CACNG1: variants seen among roughly 807,000 people sequenced by gnomAD.
CACNG1 encodes the protein calcium voltage-gated channel auxiliary subunit gamma 1.
A neutral mutation model predicts 22.0 loss-of-function variants in CACNG1; 21 were observed. The observed-to-expected ratio is 0.95, with a 90% CI of 0.68 to 1.37. CACNG1 has a LOEUF of 1.37. CACNG1 is among the 40% of genes most tolerant of loss of function. The probability of loss-of-function intolerance (pLI) is 0.00; values close to 1 mark genes in which losing one functional copy is unlikely to be tolerated. For missense variants in CACNG1, 291 were observed against 308.6 expected, an observed-to-expected ratio of 0.94 and a Z score of 0.43; for synonymous variants, 127 against 129.2, an observed-to-expected ratio of 0.98 and a Z score of 0.12.
intron 1 of CACNG1, among the ~76,000 whole-genome samples, chr17:67,049,715 C>T (rs975421701): frequency 7.2e-5 from 11 of 152,178 alleles, no homozygotes; most frequent in African/African-American, 2.7e-4. Context: ...TTCCTTCTCA[C>T]ACCCTCTATT....
rs984963286 is a variant in CACNG1, at chr17:67,055,731, G to A, written c.443-314G>A. Among the ~76,000 whole-genome samples, 7 of 151,988 alleles carry A rather than the reference G, an allele frequency of 4.6e-5. No homozygotes were observed. The highest frequency in any genetic ancestry group is 8.8e-5 in the Non-Finnish European group (6 of 67,980). ...TTTTAATTTTTTGTAGAGACGGAGG[G>A]CTCATCACTATGTTGCCAGGCTGGT... On this transcript the variant is annotated intron_variant, in intron 3 of 3. Transcript: ENST00000226021. The surrounding 1 kb of genome is among the most constrained non-coding windows in gnomAD (Gnocchi z 4.5).
chr17:67,053,124 G>A (rs2035737584), intron 1 of CACNG1, among the ~76,000 whole-genome samples: 1 of 152,122 alleles, frequency 6.6e-6, no homozygotes, highest in Admixed American at 6.5e-5. Context: ...CAATTATCAG[G>A]TGGGCCAAGC....
In CACNG1 at chr17:67,055,320, C is replaced by T. The variant is rs1013389049; in HGVS notation, c.442+80C>T. ...TTCTCCGCTCCACCCTCATGCCCACCGCGAGATTTGGGTGAGGGGCATTTC... is the reference window on the plus strand; with the variant it reads ...TTCTCCGCTCCACCCTCATGCCCACTGCGAGATTTGGGTGAGGGGCATTTC... On this transcript the variant is annotated intron_variant, in intron 3 of 3. Transcript: ENST00000226021. This position sits in a 1 kb window ranked among gnomAD's most constrained non-coding sequence, Gnocchi z 4.5. 9.4e-6 allele frequency: 14 copies of T among 1,491,210 alleles called. No homozygotes were observed. Among genetic ancestry groups the T allele is most frequent in the Admixed American group, 3.7e-5 (2 of 53,334 alleles). 92.4% of individuals were successfully genotyped at this position (1,491,210 alleles called of 1,614,324 possible).
At chr17:67,045,496 C>A (rs2035691241) in intron 1 of CACNG1, among the ~76,000 whole-genome samples, 1 of 149,288 alleles carries the variant, frequency 6.7e-6, no homozygotes, top group Admixed American at 6.6e-5. Flanking sequence ...TGGCTGTAGG[C>A]TGTAGGTGAG....
In CACNG1 at chr17:67,054,085, A is replaced by G. The variant is rs368641628; in HGVS notation, c.304+15A>G. On this transcript the variant is annotated intron_variant, in intron 2 of 3. Coordinates refer to ENST00000226021, the MANE Select transcript of CACNG1 (RefSeq NM_000727.4). The surrounding 1 kb of genome is among the most constrained non-coding windows in gnomAD (Gnocchi z 4.6). ...CACTCAGAAGGGTGAGCCTGGGTGG[A>G]AAGGGGTCTGGGGTGACAAGAGGGG... is the stretch of plus-strand genomic sequence containing the variant. 2.5e-6 allele frequency: 4 copies of G among 1,611,316 alleles called. No individual in the cohort carries two copies. The highest frequency in any genetic ancestry group is 3.4e-6 in the Non-Finnish European group (4 of 1,177,412).
chr17:67,045,167 C>A (rs2035688829), intron 1 of CACNG1, among the ~76,000 whole-genome samples: 1 of 152,222 alleles, frequency 6.6e-6, no homozygotes, highest in Non-Finnish European at 1.5e-5. Context: ...AAGAAAGGAA[C>A]TGCAGCTCTA....
intron 1 of CACNG1, among the ~76,000 whole-genome samples, chr17:67,045,325 G>A (rs1446033713): frequency 1.3e-5 from 2 of 152,174 alleles, no homozygotes; most frequent in East Asian, 1.9e-4. Flanking sequence ...CATAGGCGAT[G>A]GAATTTGCAG....
Position 67,054,465 on chromosome 17 carries a change from CCT to C in CACNG1, c.304+396_304+397del, listed in dbSNP as rs1354858153. Among the ~76,000 whole-genome samples, 1 of 152,218 alleles carries C rather than the reference CCT, an allele frequency of 6.6e-6. No homozygotes were observed. Among genetic ancestry groups the C allele is most frequent in the East Asian group, 1.9e-4 (1 of 5,204 alleles). ...TCCCTCCCTGGCCTAGAAATCCCTC[CCT>C]GAGTACCAGGAGGGTGCGGTGGGCT... On this transcript the variant is annotated intron_variant, in intron 2 of 3. Transcript: ENST00000226021. This position sits in a 1 kb window ranked among gnomAD's most constrained non-coding sequence, Gnocchi z 4.6.
At chr17:67,048,716 T>G (rs1567765885) in intron 1 of CACNG1, among the ~76,000 whole-genome samples, 1 of 151,894 alleles carries the variant, frequency 6.6e-6, no homozygotes, top group Non-Finnish European at 1.5e-5. Flanking sequence ...AACTATCAAT[T>G]AAGACACAGA....
chr17:67,051,570 C>T (rs2035728453), intron 1 of CACNG1, among the ~76,000 whole-genome samples: 4 of 152,114 alleles, frequency 2.6e-5, no homozygotes. Context: ...TTCCTGTTAC[C>T]CTGAGAAGGA....
intron 1 of CACNG1, among the ~76,000 whole-genome samples, chr17:67,053,607 TG>T (rs903309467): frequency 3.3e-5 from 5 of 152,102 alleles, no homozygotes; most frequent in African/African-American, 7.2e-5. Flanking sequence ...AAGTGTCCCC[TG>T]GGGGGGCAGA....
chr17:67,048,490 G>C (rs1285836680), intron 1 of CACNG1, among the ~76,000 whole-genome samples: 2 of 152,022 alleles, frequency 1.3e-5, no homozygotes, highest in Non-Finnish European at 2.9e-5. Context: ...GCAAGACTCT[G>C]TCTCTAAATA....
Position 67,054,630 on chromosome 17 carries a change from C to T in CACNG1, c.305-473C>T, listed in dbSNP as rs2035747784. ...AGACACACACTGACACACACAGACA[C>T]ACACAACACAGATACACACACACGA... On this transcript the variant is annotated intron_variant, in intron 2 of 3. Transcript: ENST00000226021. The surrounding 1 kb of genome is among the most constrained non-coding windows in gnomAD (Gnocchi z 4.6). Among the ~76,000 whole-genome samples, 1 of 151,400 alleles carries T rather than the reference C, an allele frequency of 6.6e-6. No homozygotes were observed.
In CACNG1 at chr17:67,055,106, A is replaced by G. The variant is rs1425846610; in HGVS notation, c.308A>G (p.Tyr103Cys). Reference sequence around the variant, plus strand: ...TGGGTGTCCCTTGTGTTTGCAGAGTACAGCATCTCGGCAGCCGCCATCGCC... The same window carrying G: ...TGGGTGTCCCTTGTGTTTGCAGAGTGCAGCATCTCGGCAGCCGCCATCGCC... ...EIFEFTTQKE[Y>C]SISAAAIAIF... The change falls in exon 3 of 4, where the codon TAC (tyrosine) becomes TGC (cysteine). Residue 103 changes from tyrosine (Y) to cysteine (C), a missense_variant. By Grantham distance (194) the Tyr-to-Cys change is radical. Transcript: ENST00000226021. This position sits in a 1 kb window ranked among gnomAD's most constrained non-coding sequence, Gnocchi z 4.5. 2 of 1,613,806 alleles carry G rather than the reference A, an allele frequency of 1.2e-6. No individual in the cohort carries two copies. The highest frequency in any genetic ancestry group is 2.7e-5 in the African/African-American group (2 of 74,938).
intron 1 of CACNG1, among the ~76,000 whole-genome samples, chr17:67,047,761 A>G (rs994909938): frequency 4.6e-5 from 7 of 152,226 alleles, no homozygotes; most frequent in African/African-American, 1.7e-4. Context: ...TGAAATGTCC[A>G]TAAGTTGCTT....
In CACNG1 at chr17:67,044,820, TG is replaced by T. The variant is rs1177382868; in HGVS notation, c.162del (p.Trp54CysfsTer109). On this transcript the variant is annotated frameshift_variant, in exon 1 of 4. Transcript: ENST00000226021. LOFTEE classifies it high-confidence loss of function. The surrounding 1 kb of genome is among the most constrained non-coding windows in gnomAD (Gnocchi z 6.9). ...TTCEAAHFGLWRICTKRIPMD... is the reference protein window; with the variant it reads ...TTCEAAHFGLXRICTKRIPMD... ...CTGCGAGGCGGCCCACTTCGGCCTC[TG>T]GCGGATTTGTACCAAGCGCATCCCC... The T allele has an allele frequency of 6.2e-7, 1 of 1,613,376 alleles. No homozygotes were observed. Among genetic ancestry groups the T allele is most frequent in the Non-Finnish European group, 8.5e-7 (1 of 1,180,044 alleles).
intron 1 of CACNG1, among the ~76,000 whole-genome samples, chr17:67,048,837 T>C (rs2035712276): frequency 6.6e-6 from 1 of 152,140 alleles, no homozygotes. Flanking sequence ...AAAGAATCAG[T>C]GACCTTTAAG....
intron 1 of CACNG1, among the ~76,000 whole-genome samples, chr17:67,048,356 G>A (rs2035709893): frequency 6.6e-6 from 1 of 151,266 alleles, no homozygotes; most frequent in African/African-American, 2.4e-5. Context: ...ATATCCAGGA[G>A]TGGTGGCATG....
Position 67,054,604 on chromosome 17 carries a change from C to T in CACNG1, c.305-499C>T, listed in dbSNP as rs939340255. 1.3e-5 allele frequency among the ~76,000 whole-genome samples: 2 copies of T among 152,078 alleles called. No individual in the cohort carries two copies. The highest frequency in any genetic ancestry group is 1.5e-5 in the Non-Finnish European group (1 of 68,008). ...CACACAGGGTGAGTGGGCAGACACACAGACACACACTGACACACACAGACA... is the reference window on the plus strand; with the variant it reads ...CACACAGGGTGAGTGGGCAGACACATAGACACACACTGACACACACAGACA... On this transcript the variant is annotated intron_variant, in intron 2 of 3. Transcript: ENST00000226021. This position sits in a 1 kb window ranked among gnomAD's most constrained non-coding sequence, Gnocchi z 4.6.
Sources: gnomAD v4.1 joint callset for allele counts (sites outside exome capture counted in the v4.1 genomes callset) on GRCh38, gnomAD v4.1.1 for gene constraint, Gnocchi (gnomAD v3.1) non-coding constraint, MANE v1.5 for transcripts, NCBI Gene and HGNC (gene_info 2026-07-23, HGNC 2026-07-21) for gene names.